The following ACACA variants were observed in gnomAD, a reference collection of about 807,000 sequenced individuals.
The protein encoded by ACACA is acetyl-CoA carboxylase alpha, also known as acetyl-CoA carboxylase 1.
ACACA carries 103 observed loss-of-function variants against 296.1 expected under a neutral mutation model. That is an observed-to-expected ratio of 0.35 (90% confidence interval 0.30 to 0.41). The LOEUF (loss-of-function observed/expected upper bound fraction) is 0.41, where lower values mean the gene tolerates loss of function less well. Ranked by LOEUF, ACACA falls within the 10% of genes least tolerant of loss-of-function variation. The pLI is 1.00. For missense variants in ACACA, 1,554 were observed against 2,989.7 expected (o/e 0.52, Z 11.20); for synonymous variants, 953 against 1,038.6 (o/e 0.92, Z 1.58).
chr17:37,395,812 G>A (rs2051061245), intron 1 of ACACA, among the ~76,000 whole-genome samples: 1 of 151,932 alleles, frequency 6.6e-6, no homozygotes, highest in African/African-American at 2.4e-5. Context: ...CAAAGTGCTG[G>A]GATTATAGGC....
At chr17:37,139,599 A>G (rs558477820) in intron 45 of ACACA, among the ~76,000 whole-genome samples, 1 of 152,348 alleles carries the variant, frequency 6.6e-6, no homozygotes, top group East Asian at 1.9e-4. Context: ...TAGCAGTCAA[A>G]AAGAAATATC....
Position 37,242,012 on chromosome 17 carries a change from C to T in ACACA, c.2973G>A (p.Arg991=). The T allele has an allele frequency of 6.2e-7, 1 of 1,613,724 alleles. No homozygotes were observed. Among genetic ancestry groups the T allele is most frequent in the Non-Finnish European group, 8.5e-7 (1 of 1,179,966 alleles). Residue 991 remains arginine, a synonymous_variant, in exon 23 of 56, where the codon CGG becomes CGA. Transcript: ENST00000616317. ...TAAAGAAGACTTCCCGTTCAGATTT[C>T]CGGTTCAATGTAGCTGCATGGCTAT... The part of the protein sequence containing the change: ...ILDSHAATLN[R]KSEREVFFMN...
At chr17:37,349,918 GAT>G (rs2048818792) in intron 1 of ACACA, among the ~76,000 whole-genome samples, 1 of 152,022 alleles carries the variant, frequency 6.6e-6, no homozygotes, top group Non-Finnish European at 1.5e-5. Context: ...AAATCTGATG[GAT>G]ACCATCTTAA....
intron 24 of ACACA, among the ~76,000 whole-genome samples, chr17:37,240,197 A>G (rs2080323398): frequency 6.6e-6 from 1 of 152,224 alleles, no homozygotes; most frequent in Non-Finnish European, 1.5e-5. Flanking sequence ...AAAAGATATC[A>G]ACAGGAATGG....
chr17:37,092,273 CAAAA>C (rs34799022), intron 54 of ACACA, among the ~76,000 whole-genome samples: 1 of 104,818 alleles, frequency 9.5e-6, no homozygotes, highest in Non-Finnish European at 2.3e-5. Context: ...TAGAGTGAGA[CAAAA>C]AAAAAAAAAA....
intron 5 of ACACA, among the ~76,000 whole-genome samples, chr17:37,281,933 A>G (rs576352613): frequency 5.9e-5 from 9 of 152,330 alleles, no homozygotes; most frequent in African/African-American, 2.2e-4. Flanking sequence ...CTTTACAATT[A>G]TCCAGTGAAT....
chr17:37,224,809 T>C (rs2079463393), intron 27 of ACACA, among the ~76,000 whole-genome samples, 183 bp downstream of exon 27: 1 of 151,976 alleles, frequency 6.6e-6, no homozygotes, highest in Non-Finnish European at 1.5e-5. Flanking sequence ...TCTAACAGCA[T>C]TTGTATGAAA....
Position 37,242,069 on chromosome 17 carries a change from G to A in ACACA, c.2932-16C>T. ...TGTTTGCAATCTAAGGTATAAAAAA[G>A]GGAAAAAAATGAGGCCCAACCCAAC... On this transcript the variant is annotated splice_polypyrimidine_tract_variant and intron_variant, in intron 22 of 55. Coordinates refer to ENST00000616317, the MANE Select transcript of ACACA (RefSeq NM_198834.3). 1 of 1,610,084 alleles carries A rather than the reference G, an allele frequency of 6.2e-7. No homozygotes were observed. The highest frequency in any genetic ancestry group is 8.5e-7 in the Non-Finnish European group (1 of 1,176,764).
Position 37,113,745 on chromosome 17 carries a change from T to A in ACACA, c.6275-480A>T, listed in dbSNP as rs2074099019. 6.6e-6 allele frequency among the ~76,000 whole-genome samples: 1 copy of A among 152,246 alleles called. No individual in the cohort carries two copies. Among genetic ancestry groups the A allele is most frequent in the Admixed American group, 6.5e-5 (1 of 15,282 alleles). ...ATGGAAATTGATCCTTTAAAAATTT[T>A]ATCTTCAAAAACTATTTTTCATCTT... On this transcript the variant is annotated intron_variant, in intron 50 of 55. Transcript: ENST00000616317. The surrounding 1 kb of genome is among the most constrained non-coding windows in gnomAD (Gnocchi z 4.0).
At chr17:37,372,997 C>T (rs2049861425) in intron 1 of ACACA, among the ~76,000 whole-genome samples, 1 of 152,028 alleles carries the variant, frequency 6.6e-6, no homozygotes, top group Admixed American at 6.6e-5. Context: ...TCTCTTGCCT[C>T]AGCCTCCCAA....
intron 5 of ACACA, among the ~76,000 whole-genome samples, chr17:37,278,283 A>G (rs944178859): frequency 6.6e-6 from 1 of 152,232 alleles, no homozygotes; most frequent in Non-Finnish European, 1.5e-5. Flanking sequence ...TATGACTTCT[A>G]TATCAAGGCT....
intron 29 of ACACA, among the ~76,000 whole-genome samples, chr17:37,221,259 T>G (rs2079274926): frequency 6.6e-6 from 1 of 152,194 alleles, no homozygotes; most frequent in Non-Finnish European, 1.5e-5. Flanking sequence ...GAATTTCAAC[T>G]GCTAAATTCA....
chr17:37,174,107 G>T (rs1317041862), intron 41 of ACACA, among the ~76,000 whole-genome samples: 2 of 136,612 alleles, frequency 1.5e-5, no homozygotes, highest in Non-Finnish European at 3.1e-5. Flanking sequence ...GTGATCCGCC[G>T]ACCTTGGTCT....
chr17:37,390,175 T>TATATATATAG (rs60788220), intron 1 of ACACA, among the ~76,000 whole-genome samples: 1 of 44,508 alleles, frequency 2.2e-5, no homozygotes, highest in East Asian at 6.3e-4. Context: ...TATATATATA[T>TATATATATAG]ACACACACAC....
chr17:37,164,658 A>G (rs2076592963), intron 41 of ACACA, among the ~76,000 whole-genome samples: 1 of 152,180 alleles, frequency 6.6e-6, no homozygotes, highest in African/African-American at 2.4e-5. Context: ...TAGTTAATAT[A>G]ATCCCTGCAT....
intron 45 of ACACA, among the ~76,000 whole-genome samples, chr17:37,142,087 A>G (rs2075614061): frequency 6.6e-6 from 1 of 151,716 alleles, no homozygotes; most frequent in Non-Finnish European, 1.5e-5. Context: ...GTCAAACATG[A>G]TAATTTCCGA....
At chr17:37,227,737 G>A (rs762874327) in intron 25 of ACACA, among the ~76,000 whole-genome samples, 1 of 151,690 alleles carries the variant, frequency 6.6e-6, no homozygotes, top group Non-Finnish European at 1.5e-5. Flanking sequence ...GCGGGCGCCT[G>A]TAGTCCCAGC....
At chr17:37,192,521 C>T (rs548321105) in intron 36 of ACACA, among the ~76,000 whole-genome samples, 2 of 152,142 alleles carry the variant, frequency 1.3e-5, no homozygotes, top group East Asian at 1.9e-4. Context: ...GATGATATTC[C>T]TAAACTTTCA....
intron 3 of ACACA, among the ~76,000 whole-genome samples, chr17:37,321,291 A>G (rs915468768): frequency 1.3e-5 from 2 of 152,212 alleles, no homozygotes; most frequent in Non-Finnish European, 2.9e-5. Context: ...ATTACTGCCC[A>G]AGGATAAAGG....
Sources: allele counts gnomAD v4.1 joint callset (sites outside exome capture counted in the v4.1 genomes callset), GRCh38; gene constraint gnomAD v4.1.1; non-coding constraint Gnocchi (gnomAD v3.1); transcripts MANE v1.5; gene names NCBI Gene and HGNC (gene_info 2026-07-23, HGNC 2026-07-21).